The following NOL11 variants were observed in gnomAD, a reference collection of about 807,000 sequenced individuals.
NOL11 encodes nucleolar protein 11.
A neutral mutation model predicts 93.0 loss-of-function variants in NOL11; 42 were observed. That is an observed-to-expected ratio of 0.45 (90% CI 0.35 to 0.58). NOL11 has a LOEUF of 0.58. Among genes scored for constraint, NOL11 ranks in the 20% least tolerant of loss-of-function variants. NOL11 has a pLI of 0.00. For synonymous variants in NOL11, 296 were observed against 293.7 expected, an observed-to-expected ratio of 1.01 and a Z score of -0.08; for missense variants, 775 against 841.8, an observed-to-expected ratio of 0.92 and a Z score of 0.98.
rs142111850 is a variant in NOL11, at chr17:67,743,836, A to G, written c.2137A>G (p.Ile713Val). 2.7e-5 allele frequency: 41 copies of G among 1,511,326 alleles called. No homozygotes were observed. Among genetic ancestry groups the G allele is most frequent in the African/African-American group, 1.4e-4 (10 of 70,320 alleles). The allele number at this position is 1,511,326 out of a possible 1,614,324, so 93.6% of individuals were successfully genotyped here. ...QEKNNRGLYSIEVLELF is the reference protein window; with the variant it reads ...QEKNNRGLYSVEVLELF Reference sequence around the variant, plus strand: ...AAAGAATAATAGAGGATTATATTCAATTGAAGTGCTGGAGCTCTTCTGATA... The same window carrying G: ...AAAGAATAATAGAGGATTATATTCAGTTGAAGTGCTGGAGCTCTTCTGATA... The change falls in exon 18 of 18, where the codon ATT becomes GTT. Residue 713 changes from isoleucine (I) to valine (V), a missense_variant. Coordinates refer to ENST00000253247, the MANE Select transcript of NOL11 (RefSeq NM_015462.5).
At chr17:67,721,888 C>G (rs2291283) in intron 4 of NOL11, among the ~76,000 whole-genome samples, 13,363 of 152,232 alleles carry the variant, frequency 0.088, 1,513 homozygotes, top group East Asian at 0.28. Flanking sequence ...AAGACCTCTG[C>G]TTTCCCAGAT....
At chr17:67,734,514 G>C in intron 8 of NOL11, 75 bp downstream of exon 8, 1 of 898,924 alleles carries the variant, frequency 1.1e-6, no homozygotes, top group Non-Finnish European at 1.8e-6. Flanking sequence ...TTTTGAGATG[G>C]GGCCTCACTC....
Position 67,737,708 on chromosome 17 carries a change from T to C in NOL11, c.1403+16T>C. On this transcript the variant is annotated intron_variant, in intron 12 of 17. Coordinates refer to ENST00000253247, the MANE Select transcript of NOL11 (RefSeq NM_015462.5). ...TTTCTTACAGGTAGCTGTTTGTGTG[T>C]ACCACACTGTACGTGCATAATTCTT... The C allele has an allele frequency of 3.7e-6, 6 of 1,608,004 alleles. No individual in the cohort carries two copies. Among genetic ancestry groups the C allele is most frequent in the Non-Finnish European group, 5.1e-6 (6 of 1,177,518 alleles).
chr17:67,719,480 C>T (rs558301773), intron 1 of NOL11, 194 bp from the exon 2 acceptor site: 13 of 386,438 alleles, frequency 3.4e-5, no homozygotes, highest in Admixed American at 2.6e-4. Flanking sequence ...AAGCTGGTCT[C>T]GAACTCCTGA....
chr17:67,736,139 C>G, intron 9 of NOL11, 116 bp downstream of exon 9: 1 of 1,003,746 alleles, frequency 1.0e-6, no homozygotes. Flanking sequence ...TGAAATTTAC[C>G]GCTGTTTATT....
intron 7 of NOL11, chr17:67,726,920 A>C: frequency 3.9e-6 from 1 of 256,134 alleles, no homozygotes. Flanking sequence ...AGTCACCATC[A>C]TACTAGCCTG....
chr17:67,741,732 C>T (rs1202692349), intron 16 of NOL11, among the ~76,000 whole-genome samples: 1 of 151,606 alleles, frequency 6.6e-6, no homozygotes, highest in Admixed American at 6.6e-5. Flanking sequence ...CCACCATGCC[C>T]CTGTGCTTTT....
intron 10 of NOL11, 133 bp from the exon 11 acceptor site, chr17:67,736,938 G>A: frequency 1.3e-6 from 1 of 743,448 alleles, no homozygotes; most frequent in East Asian, 2.7e-5. Flanking sequence ...TTGTCTATTA[G>A]TTATATTTAC....
At chr17:67,724,522 C>T (rs1385408744) in intron 6 of NOL11, among the ~76,000 whole-genome samples, 3 of 151,788 alleles carry the variant, frequency 2.0e-5, no homozygotes, top group African/African-American at 4.8e-5. Flanking sequence ...TTAGTAGAGA[C>T]GGTTTCGCCA....
At chr17:67,727,901 A>T (rs1403776829) in intron 7 of NOL11, among the ~76,000 whole-genome samples, 1 of 133,516 alleles carries the variant, frequency 7.5e-6, no homozygotes, top group African/African-American at 2.9e-5. Flanking sequence ...CCTGGTCAAC[A>T]GAGTGAGACT....
At chr17:67,722,468 T>C (rs2043224417) in intron 4 of NOL11, 112 bp from the exon 5 acceptor site, 11 of 1,446,362 alleles carry the variant, frequency 7.6e-6, no homozygotes, top group Non-Finnish European at 1.0e-5. Context: ...CTCTGATGTC[T>C]TTCTGGTTCT....
chr17:67,732,282 G>C (rs2143117144), intron 7 of NOL11, among the ~76,000 whole-genome samples: 1 of 152,140 alleles, frequency 6.6e-6, no homozygotes, highest in African/African-American at 2.4e-5. Context: ...AGGAGTTTGA[G>C]ACCAGCCTGA....
intron 7 of NOL11, among the ~76,000 whole-genome samples, chr17:67,733,056 T>A (rs2055169229): frequency 6.6e-6 from 1 of 152,052 alleles, no homozygotes; most frequent in African/African-American, 2.4e-5. Context: ...AGAGTTAGTT[T>A]TACCTCCATT....
rs747810985 is a variant in NOL11, at chr17:67,726,489, A to G, written c.694A>G (p.Ile232Val). The G allele has an allele frequency of 1.7e-5, 27 of 1,613,342 alleles. No homozygotes were observed. The South Asian group carries it at 1.8e-4, about 11-fold the overall frequency. Reference protein sequence around the residue: ...SSDGCIYETLIPIRPADPEKN... With the variant: ...SSDGCIYETLVPIRPADPEKN... ...TGATGGTTGTATATATGAAACCTTG[A>G]TACCAATACGTCCAGCTGACCCAGA... Residue 232 changes from isoleucine (I) to valine (V), a missense_variant, in exon 7 of 18, where the codon ATA (isoleucine) becomes GTA (valine). This residue lies in a region of NOL11 where 359 missense variants were observed against 316.5 expected (regional missense o/e 1.13). Transcript: ENST00000253247.
rs940600144 is a variant in NOL11, at chr17:67,724,886, G to A, written c.664+693G>A. 2.6e-5 allele frequency among the ~76,000 whole-genome samples: 4 copies of A among 151,934 alleles called. 1 individual carries two copies. The highest frequency in any genetic ancestry group is 1.3e-4 in the Admixed American group (2 of 15,250). On this transcript the variant is annotated intron_variant, in intron 6 of 17. Transcript: ENST00000253247. ...ATCCTGGCTAACATGGTGAAACCCC[G>A]TCTCTACTAAAAATACAAAAAATTA...
At chr17:67,722,108 T>C (rs2043221395) in intron 4 of NOL11, among the ~76,000 whole-genome samples, 1 of 152,242 alleles carries the variant, frequency 6.6e-6, no homozygotes, top group Non-Finnish European at 1.5e-5. Flanking sequence ...TAGACTGACC[T>C]GATGAATCCC....
chr17:67,732,797 C>T (rs934030287), intron 7 of NOL11, among the ~76,000 whole-genome samples: 1 of 151,506 alleles, frequency 6.6e-6, no homozygotes, highest in African/African-American at 2.4e-5. Flanking sequence ...TGGTCTCCAA[C>T]TCCTGAGCTC....
chr17:67,719,082 T>C (rs1045201216), intron 1 of NOL11: 1 of 152,182 alleles, frequency 6.6e-6, no homozygotes, highest in African/African-American at 2.4e-5. Flanking sequence ...AGGAACTTAG[T>C]TATATTTTCA....
At chr17:67,726,825 TTG>T in intron 7 of NOL11, 177 bp downstream of exon 7, 1 of 492,762 alleles carries the variant, frequency 2.0e-6, no homozygotes, top group Non-Finnish European at 3.5e-6. Context: ...TATTTTTATT[TTG>T]CATTGATCTT....
Sources: allele counts gnomAD v4.1 joint callset (sites outside exome capture counted in the v4.1 genomes callset), GRCh38; gene constraint gnomAD v4.1.1; regional missense constraint gnomAD v4.1.1; transcripts MANE v1.5; gene names NCBI Gene and HGNC (gene_info 2026-07-23, HGNC 2026-07-21).